Variants in AGFG1 observed in about 807,000 individuals in gnomAD.
AGFG1 encodes ArfGAP with FG repeats 1.
In AGFG1, 10 loss-of-function variants were observed where a neutral mutation model predicts 60.6. The observed-to-expected ratio is 0.16, with a 90% CI of 0.10 to 0.28. AGFG1 has a LOEUF of 0.28. AGFG1 is among the 10% of genes least tolerant of loss of function. The pLI is 1.00. For missense variants in AGFG1, 537 were observed against 676.5 expected, an observed-to-expected ratio of 0.79 and a Z score of 2.29; for synonymous variants, 247 against 242.9, an observed-to-expected ratio of 1.02 and a Z score of -0.16.
At chr2:227,521,454 T>C (rs1468692926) in intron 3 of AGFG1, among the ~76,000 whole-genome samples, 1 of 152,158 alleles carries the variant, frequency 6.6e-6, no homozygotes, top group Non-Finnish European at 1.5e-5. Flanking sequence ...TAGATTAAAA[T>C]ACACCAGTAA....
At chr2:227,525,478 A>G (rs1024353844) in intron 5 of AGFG1, among the ~76,000 whole-genome samples, 1 of 152,234 alleles carries the variant, frequency 6.6e-6, no homozygotes, top group African/African-American at 2.4e-5. Flanking sequence ...ACATATGTAC[A>G]TACATGCATA....
chr2:227,487,458 C>T (rs1690676364), intron 1 of AGFG1, among the ~76,000 whole-genome samples: 2 of 151,864 alleles, frequency 1.3e-5, no homozygotes, highest in South Asian at 4.1e-4. Flanking sequence ...AAAGTTAAAG[C>T]ACAATTGTAA....
At chr2:227,508,002 C>CTT (rs34862640) in intron 2 of AGFG1, among the ~76,000 whole-genome samples, 1 of 143,198 alleles carries the variant, frequency 7.0e-6, no homozygotes, top group Non-Finnish European at 1.5e-5. Flanking sequence ...CTGAATGTTC[C>CTT]TTTTTTTTTT....
intron 2 of AGFG1, among the ~76,000 whole-genome samples, chr2:227,517,007 G>T (rs537387882): frequency 2.0e-5 from 3 of 152,234 alleles, no homozygotes; most frequent in Non-Finnish European, 2.9e-5. Flanking sequence ...CATTAGTTAG[G>T]TTTCTGCCTG....
At chr2:227,518,203 T>G (rs1341524289) in intron 2 of AGFG1, among the ~76,000 whole-genome samples, 3 of 152,238 alleles carry the variant, frequency 2.0e-5, no homozygotes, top group South Asian at 4.1e-4. Context: ...TTCACTTGTT[T>G]ATGAACAATT....
chr2:227,482,663 TAAAAC>T (rs1371062470), intron 1 of AGFG1, among the ~76,000 whole-genome samples: 2 of 152,206 alleles, frequency 1.3e-5, no homozygotes, highest in Admixed American at 6.5e-5. Flanking sequence ...AAACAATTAA[TAAAAC>T]TAACTAAATA....
intron 10 of AGFG1, among the ~76,000 whole-genome samples, chr2:227,541,611 T>G (rs1036088351): frequency 1.3e-5 from 2 of 152,194 alleles, no homozygotes; most frequent in Non-Finnish European, 2.9e-5. Flanking sequence ...TGTAGTATAG[T>G]TTTAAAGTCA....
chr2:227,490,367 A>G (rs1404534394), intron 1 of AGFG1, among the ~76,000 whole-genome samples: 1 of 152,144 alleles, frequency 6.6e-6, no homozygotes. Flanking sequence ...TCACGAGGTC[A>G]GGAGATTGAG....
chr2:227,519,983 T>C lies in AGFG1; in HGVS notation c.297T>C (p.Asp99=). ...CKQIWLGLFD[D]RSSAIPDFRD... ...AGATTTGGCTAGGATTATTTGATGATAGATCTTCAGCAATTCCAGACTTCA... is the reference window on the plus strand; with the variant it reads ...AGATTTGGCTAGGATTATTTGATGACAGATCTTCAGCAATTCCAGACTTCA... Residue 99 remains aspartate, a synonymous_variant, in exon 3 of 13, where the codon GAT becomes GAC. Coordinates refer to ENST00000310078, the MANE Select transcript of AGFG1 (RefSeq NM_004504.5). 1 of 1,587,784 alleles carries C rather than the reference T, an allele frequency of 6.3e-7. No homozygotes were observed. The highest frequency in any genetic ancestry group is 8.5e-7 in the Non-Finnish European group (1 of 1,171,994).
chr2:227,552,200 CTT>C (rs1692841938), intron 11 of AGFG1, 83 bp downstream of exon 11: 2 of 1,507,620 alleles, frequency 1.3e-6, no homozygotes, highest in African/African-American at 2.8e-5. Flanking sequence ...GGCAGGAAGA[CTT>C]TTCTAAAGAA....
intron 10 of AGFG1, among the ~76,000 whole-genome samples, chr2:227,546,894 TAAGGA>T (rs1167475617): frequency 3.3e-5 from 5 of 152,230 alleles, no homozygotes; most frequent in African/African-American, 9.6e-5. Context: ...TTTTTTTCCC[TAAGGA>T]AAGGTACTTA....
intron 11 of AGFG1, among the ~76,000 whole-genome samples, chr2:227,552,721 G>C (rs1227317121): frequency 6.7e-6 from 1 of 149,862 alleles, no homozygotes; most frequent in Non-Finnish European, 1.5e-5. Context: ...TGAAATATGG[G>C]CTGGGCGTGG....
rs1692524738 is a variant in AGFG1, at chr2:227,542,612, A to G, written c.1378+5619A>G. On this transcript the variant is annotated intron_variant, in intron 10 of 12. Transcript: ENST00000310078. ...CGATGTTCATCAGGGATATTGGTCT[A>G]AAATTCTCTTTTTTTGTTGTGCCTT... 1.3e-5 allele frequency among the ~76,000 whole-genome samples: 2 copies of G among 152,192 alleles called. 1 individual carries two copies. The highest frequency in any genetic ancestry group is 4.1e-4 in the South Asian group (2 of 4,832).
rs187793700 is a variant in AGFG1 at position 227,545,620 on chromosome 2, T to C, written c.1379-6339T>C. On this transcript the variant is annotated intron_variant, in intron 10 of 12. Coordinates refer to ENST00000310078, the MANE Select transcript of AGFG1 (RefSeq NM_004504.5). ...GGTTTTATCTACCTTTGGTCTTTGA[T>C]GATGGTGACCTACAGATGGGGTTTT... Among the ~76,000 whole-genome samples the C allele has an allele frequency of 7.9e-5, 12 of 152,354 alleles. No individual in the cohort carries two copies. In the East Asian group the frequency reaches 1.9e-3, roughly 25 times the overall value.
At chr2:227,511,142 G>GGGGAAAGTTTTTGCCC (rs1362504135) in intron 2 of AGFG1, among the ~76,000 whole-genome samples, 2 of 152,078 alleles carry the variant, frequency 1.3e-5, no homozygotes, top group African/African-American at 4.8e-5. Context: ...TCTTCCTCCA[G>GGGGAAAGTTTTTGCCC]GGGAAAGTTT....
In AGFG1 at chr2:227,555,729, C is replaced by G. The variant is rs1490690351; in HGVS notation, c.*1234C>G. 1 of 152,400 alleles carries G rather than the reference C, an allele frequency of 6.6e-6. No individual in the cohort carries two copies. The highest frequency in any genetic ancestry group is 1.5e-5 in the Non-Finnish European group (1 of 68,020). The allele number at this position is 152,400 out of a possible 1,614,324, so 9.4% of individuals were successfully genotyped here. A position where few individuals can be genotyped will look rare whatever the true frequency, so the allele number is the denominator to read the frequency against. On this transcript the variant is annotated 3_prime_UTR_variant, in exon 13 of 13. Transcript: ENST00000310078. The stretch of plus-strand genomic sequence containing the variant: ...TATTCAAATGAACTTGTTTAAGTAT[C>G]TATGTACAGTAATGCCTCATTCATC...
intron 1 of AGFG1, among the ~76,000 whole-genome samples, chr2:227,488,540 G>C (rs931959166): frequency 3.3e-5 from 5 of 152,236 alleles, no homozygotes; most frequent in South Asian, 2.1e-4. Context: ...AAAGGTTAAG[G>C]CTTGTCTGGA....
intron 5 of AGFG1, among the ~76,000 whole-genome samples, chr2:227,530,062 CATGAAT>C (rs1692113994): frequency 6.6e-6 from 1 of 152,094 alleles, no homozygotes. Flanking sequence ...CTTCCTGTCT[CATGAAT>C]ATGTGTTTTT....
At position 227,552,165 on chromosome 2, in the gene AGFG1, T is replaced by C. The variant is rs780689235; in HGVS notation, c.1537+48T>C. ...CTGTAAGTTCATTTTATGTATCCTT[T>C]TTATATCATAATGTTGTGTGCTTGG... is the stretch of plus-strand genomic sequence containing the variant. On this transcript the variant is annotated intron_variant, in intron 11 of 12. Coordinates refer to ENST00000310078, the MANE Select transcript of AGFG1 (RefSeq NM_004504.5). 4.1e-5 allele frequency: 66 copies of C among 1,605,438 alleles called. 2 individuals carry two copies. In the East Asian group the frequency reaches 1.4e-3, roughly 33 times the overall value.
Sources: gnomAD v4.1 joint callset for allele counts (sites outside exome capture counted in the v4.1 genomes callset) on GRCh38, gnomAD v4.1.1 for gene constraint, MANE v1.5 for transcripts, NCBI Gene and HGNC (gene_info 2026-07-23, HGNC 2026-07-21) for gene names.